Variants in ATF7 observed in about 807,000 individuals in gnomAD.
ATF7 encodes the protein cyclic AMP-dependent transcription factor ATF-7.
In ATF7, 10 loss-of-function variants were observed where a neutral mutation model predicts 50.4. The ratio of observed to expected loss-of-function variants is 0.20; its 90% CI spans 0.12 to 0.34. The LOEUF (loss-of-function observed/expected upper bound fraction) is 0.34, where lower values mean the gene tolerates loss of function less well. Ranked by LOEUF, ATF7 falls within the 10% of genes least tolerant of loss-of-function variation. ATF7 has a pLI of 1.00. For synonymous variants in ATF7, 201 were observed against 226.4 expected, an observed-to-expected ratio of 0.89 and a Z score of 1.01; for missense variants, 465 against 613.9, an observed-to-expected ratio of 0.76 and a Z score of 2.56.
chr12:53,592,369 C>T (rs1204021536), intron 2 of ATF7, among the ~76,000 whole-genome samples: 5 of 152,236 alleles, frequency 3.3e-5, no homozygotes, highest in East Asian at 1.9e-4. Flanking sequence ...TTCTTGAAAT[C>T]CTATCCTTAA....
At chr12:53,520,265 T>C (rs151190231) in intron 11 of ATF7, among the ~76,000 whole-genome samples, 1 of 152,214 alleles carries the variant, frequency 6.6e-6, no homozygotes, top group African/African-American at 2.4e-5. Flanking sequence ...GGGAACTTCA[T>C]CTGGTTTCAA....
At chr12:53,540,786 A>G (rs1939506391) in intron 4 of ATF7, among the ~76,000 whole-genome samples, 1 of 152,014 alleles carries the variant, frequency 6.6e-6, no homozygotes, top group African/African-American at 2.4e-5. Flanking sequence ...GTGTTGTTCC[A>G]CTGCCCAGGC....
At chr12:53,593,897 A>G (rs1399801264) in intron 2 of ATF7, among the ~76,000 whole-genome samples, 1 of 152,240 alleles carries the variant, frequency 6.6e-6, no homozygotes, top group Non-Finnish European at 1.5e-5. Flanking sequence ...ATCCACATAC[A>G]GAGAGGCCCT....
chr12:53,617,727 T>G (rs1944201377), intron 1 of ATF7, among the ~76,000 whole-genome samples: 1 of 152,166 alleles, frequency 6.6e-6, no homozygotes, highest in African/African-American at 2.4e-5. Flanking sequence ...CTACAAAATT[T>G]TAAAAGCTTA....
At chr12:53,556,578 C>G (rs537778007) in intron 2 of ATF7, among the ~76,000 whole-genome samples, 1 of 152,164 alleles carries the variant, frequency 6.6e-6, no homozygotes, top group East Asian at 1.9e-4. Context: ...ATCTGGGCAA[C>G]AAGAGCAAGA....
At chr12:53,618,135 A>G (rs760917911) in intron 1 of ATF7, among the ~76,000 whole-genome samples, 7 of 152,208 alleles carry the variant, frequency 4.6e-5, no homozygotes, top group Non-Finnish European at 5.9e-5. Context: ...CTCGTCATTT[A>G]TGTTCCTTAC....
chr12:53,522,176 C>CTA (rs1377394602), intron 11 of ATF7, among the ~76,000 whole-genome samples: 1 of 152,220 alleles, frequency 6.6e-6, no homozygotes, highest in Non-Finnish European at 1.5e-5. Flanking sequence ...CAACGTCAGC[C>CTA]TATCATTAGA....
chr12:53,512,100 G>A lies in ATF7; in HGVS notation c.*5037C>T, dbSNP rs901732465. ...ATGTTATATTTGCAGCATAAATAAG[G>A]CACAATATATGCCAGGGCAAGGGAG... is the stretch of plus-strand genomic sequence containing the variant. On this transcript the variant is annotated 3_prime_UTR_variant, in exon 12 of 12. Transcript: ENST00000420353. 1.1e-4 allele frequency: 16 copies of A among 152,142 alleles called. No homozygotes were observed. Among genetic ancestry groups the A allele is most frequent in the African/African-American group, 3.9e-4 (16 of 41,414 alleles). 9.4% of individuals were successfully genotyped at this position (152,142 alleles called of 1,614,324 possible).
chr12:53,625,961 C>T (rs1944589139), intron 1 of ATF7: 1 of 152,278 alleles, frequency 6.6e-6, no homozygotes, highest in Non-Finnish European at 1.5e-5. Flanking sequence ...ACCAAGTTCT[C>T]CCCACACTTC....
At chr12:53,581,146 T>A (rs1942407008) in intron 2 of ATF7, among the ~76,000 whole-genome samples, 1 of 151,608 alleles carries the variant, frequency 6.6e-6, no homozygotes, top group African/African-American at 2.4e-5. Context: ...AAAATAAAAA[T>A]AATTAATGTG....
At chr12:53,618,391 A>G (rs895285059) in intron 1 of ATF7, among the ~76,000 whole-genome samples, 2 of 152,214 alleles carry the variant, frequency 1.3e-5, no homozygotes, top group African/African-American at 4.8e-5. Context: ...TTCCCTGCCT[A>G]GTAGCATGCT....
intron 2 of ATF7, among the ~76,000 whole-genome samples, chr12:53,556,336 C>G (rs958673841): frequency 2.2e-4 from 33 of 152,228 alleles, no homozygotes; most frequent in African/African-American, 7.9e-4. Context: ...TACCTGTAAC[C>G]CTAGCACATT....
chr12:53,548,238 C>T (rs1054547331), intron 3 of ATF7, among the ~76,000 whole-genome samples: 1 of 152,034 alleles, frequency 6.6e-6, no homozygotes, highest in Non-Finnish European at 1.5e-5. Context: ...AACTCCTGGC[C>T]TCAAGCAATC....
intron 2 of ATF7, among the ~76,000 whole-genome samples, chr12:53,563,387 G>T (rs981411050): frequency 1.3e-5 from 2 of 152,068 alleles, no homozygotes; most frequent in African/African-American, 4.8e-5. Flanking sequence ...AGGCTGAGGC[G>T]GGAGAATTGC....
chr12:53,554,400 G>A (rs1940579566), intron 2 of ATF7, among the ~76,000 whole-genome samples: 2 of 150,738 alleles, frequency 1.3e-5, no homozygotes. Context: ...CAAAGTGCTG[G>A]TATTACAGGC....
intron 2 of ATF7, among the ~76,000 whole-genome samples, chr12:53,599,176 G>C (rs1320338568): frequency 1.3e-5 from 2 of 152,052 alleles, no homozygotes; most frequent in Non-Finnish European, 2.9e-5. Context: ...TGGGACTACA[G>C]GCGTGTGCCA....
chr12:53,566,663 C>A (rs1241604682), intron 2 of ATF7, among the ~76,000 whole-genome samples: 2 of 152,156 alleles, frequency 1.3e-5, no homozygotes, highest in Non-Finnish European at 2.9e-5. Context: ...AGAGAAAGAA[C>A]CTAGGTCCTT....
At chr12:53,533,093 G>T in intron 7 of ATF7, 67 bp downstream of exon 7, 1 of 1,383,098 alleles carries the variant, frequency 7.2e-7, no homozygotes, top group Non-Finnish European at 1.0e-6. Flanking sequence ...TGTATTTTAT[G>T]ACCATTCAGG....
chr12:53,527,987 G>A (rs548571173), intron 9 of ATF7, among the ~76,000 whole-genome samples: 1 of 151,636 alleles, frequency 6.6e-6, no homozygotes, highest in East Asian at 2.0e-4. Flanking sequence ...GACTACAGGC[G>A]CCTGCCACCA....
Sources: allele counts gnomAD v4.1 joint callset (sites outside exome capture counted in the v4.1 genomes callset), GRCh38; gene constraint gnomAD v4.1.1; transcripts MANE v1.5; gene names NCBI Gene and HGNC (gene_info 2026-07-23, HGNC 2026-07-21).